The following ANKRD10 variants were observed in gnomAD, a reference collection of about 807,000 sequenced individuals.
ANKRD10 encodes the protein ankyrin repeat domain-containing protein 10.
A neutral mutation model predicts 27.0 loss-of-function variants in ANKRD10; 14 were observed. That is an observed-to-expected ratio of 0.52 (90% confidence interval 0.34 to 0.81). ANKRD10 has a LOEUF of 0.81. ANKRD10 is among the 40% of genes least tolerant of loss of function. The probability of loss-of-function intolerance (pLI) is 0.01; values close to 1 mark genes in which losing one functional copy is unlikely to be tolerated. For missense variants in ANKRD10, 493 were observed against 544.0 expected (o/e 0.91, Z 0.93); for synonymous variants, 250 against 224.5 (o/e 1.11, Z -1.01).
chr13:110,891,577 A>C (rs989178797), intron 4 of ANKRD10, among the ~76,000 whole-genome samples: 3 of 152,230 alleles, frequency 2.0e-5, no homozygotes, highest in African/African-American at 7.2e-5. Context: ...TATCAACTTT[A>C]TAGGGAAAAA....
chr13:110,912,414 TTA>T (rs1223801453), intron 1 of ANKRD10, among the ~76,000 whole-genome samples: 3 of 152,238 alleles, frequency 2.0e-5, no homozygotes, highest in Admixed American at 2.0e-4. Context: ...TGATGTCTAT[TTA>T]TTGCCTTTAT....
chr13:110,894,340 G>A (rs898929185), intron 3 of ANKRD10: 21 of 328,402 alleles, frequency 6.4e-5, no homozygotes, highest in Non-Finnish European at 9.5e-5. Flanking sequence ...TCAAGGCCTT[G>A]TGCTGTGTCA....
chr13:110,880,420 A>G (rs2064792401), intron 5 of ANKRD10, among the ~76,000 whole-genome samples: 1 of 152,220 alleles, frequency 6.6e-6, no homozygotes, highest in Admixed American at 6.5e-5. Context: ...AAAGCCATCA[A>G]TAAAGTGCTC....
At chr13:110,908,911 G>A (rs1373238643) in intron 2 of ANKRD10, among the ~76,000 whole-genome samples, 2 of 152,164 alleles carry the variant, frequency 1.3e-5, no homozygotes, top group African/African-American at 2.4e-5. Flanking sequence ...ATGTCTACCC[G>A]GATACTTCAA....
At chr13:110,912,506 A>G (rs2065746653) in intron 1 of ANKRD10, among the ~76,000 whole-genome samples, 1 of 152,252 alleles carries the variant, frequency 6.6e-6, no homozygotes, top group Non-Finnish European at 1.5e-5. Context: ...AAAACGGATG[A>G]AAATCACTTG....
chr13:110,902,163 T>C (rs943295322), intron 3 of ANKRD10, among the ~76,000 whole-genome samples: 1 of 151,900 alleles, frequency 6.6e-6, no homozygotes, highest in African/African-American at 2.4e-5. Context: ...TGGTAGATTT[T>C]GTAACTGAAA....
chr13:110,905,545 T>C (rs991030691), intron 3 of ANKRD10, among the ~76,000 whole-genome samples: 2 of 152,246 alleles, frequency 1.3e-5, no homozygotes, highest in Non-Finnish European at 2.9e-5. Flanking sequence ...CAATGGGCTT[T>C]AAAACATAAC....
At chr13:110,893,971 C>G in intron 3 of ANKRD10, 1 of 609,864 alleles carries the variant, frequency 1.6e-6, no homozygotes, top group Non-Finnish European at 2.8e-6. Flanking sequence ...TCACAAGAAC[C>G]AAAGTTTTAC....
chr13:110,892,667 G>C (rs1486766270), intron 4 of ANKRD10: 1 of 816,464 alleles, frequency 1.2e-6, no homozygotes, highest in Admixed American at 1.5e-4. Context: ...ACATTTACAA[G>C]AAGCAAATTA....
In ANKRD10 at chr13:110,883,725, C is replaced by T. The variant is rs748321257; in HGVS notation, c.760G>A (p.Val254Ile). The T allele has an allele frequency of 2.5e-5, 41 of 1,614,064 alleles. No individual in the cohort carries two copies. The highest frequency in any genetic ancestry group is 4.0e-5 in the African/African-American group (3 of 74,926). ...DTEDDADKMH[V>I]DREFAVVTDM... ...GTTACAACAGCAAACTCCCTATCAA[C>T]GTGCATTTTGTCAGCATCGTCTTCT... The change falls in exon 5 of 6, where the codon GTT becomes ATT. Residue 254 changes from valine to isoleucine, a missense_variant. Coordinates refer to ENST00000267339, the MANE Select transcript of ANKRD10 (RefSeq NM_017664.4).
chr13:110,904,729 A>G (rs987116014), intron 3 of ANKRD10, among the ~76,000 whole-genome samples: 2 of 152,238 alleles, frequency 1.3e-5, no homozygotes, highest in Admixed American at 6.5e-5. Flanking sequence ...CATACTATCA[A>G]TTGTTTCTAC....
chr13:110,900,148 A>G (rs1178427879), intron 3 of ANKRD10, among the ~76,000 whole-genome samples: 1 of 152,150 alleles, frequency 6.6e-6, no homozygotes, highest in Non-Finnish European at 1.5e-5. Flanking sequence ...ATTAGGCTCC[A>G]CTCTGAAGCC....
chr13:110,892,198 G>A (rs1410433359), intron 4 of ANKRD10, among the ~76,000 whole-genome samples: 4 of 149,812 alleles, frequency 2.7e-5, no homozygotes, highest in Admixed American at 6.6e-5. Context: ...TTGGGAGGCC[G>A]AGGCAGGTGG....
Position 110,893,175 on chromosome 13 carries a change from T to C in ANKRD10, c.544A>G (p.Asn182Asp). Residue 182 changes from asparagine (N) to aspartate (D), a missense_variant, in exon 4 of 6, where the codon AAT becomes GAT. By Grantham distance (23) the Asn-to-Asp change is conservative (BLOSUM62 1). Coordinates refer to ENST00000267339, the MANE Select transcript of ANKRD10 (RefSeq NM_017664.4). ...TTATAGAAATGGTTCAGATGACAATTCTGGAGGTTCAAGAGAAACTGGGCA... is the reference window on the plus strand; with the variant it reads ...TTATAGAAATGGTTCAGATGACAATCCTGGAGGTTCAAGAGAAACTGGGCA... ...ECAQFLLNLQ[N>D]CHLNHFYNNG... 1 of 1,614,130 alleles carries C rather than the reference T, an allele frequency of 6.2e-7. No homozygotes were observed. The highest frequency in any genetic ancestry group is 8.5e-7 in the Non-Finnish European group (1 of 1,180,008).
intron 5 of ANKRD10, among the ~76,000 whole-genome samples, chr13:110,880,800 A>C (rs542711891): frequency 3.3e-5 from 5 of 152,134 alleles, no homozygotes; most frequent in African/African-American, 7.2e-5. Context: ...ATACAGAGAG[A>C]CCGGCGACCA....
chr13:110,886,885 T>G (rs1215860037), intron 4 of ANKRD10, among the ~76,000 whole-genome samples: 1 of 152,226 alleles, frequency 6.6e-6, no homozygotes, highest in Non-Finnish European at 1.5e-5. Context: ...GTATGACCAC[T>G]TTTTTCAAAG....
At chr13:110,910,557 A>C (rs775299558) in intron 2 of ANKRD10, 61 bp downstream of exon 2, 48 of 1,594,040 alleles carry the variant, frequency 3.0e-5, no homozygotes, top group Non-Finnish European at 3.9e-5. Context: ...AATACCGTGT[A>C]TAATTATAAC....
intron 2 of ANKRD10, among the ~76,000 whole-genome samples, chr13:110,909,507 A>G (rs938186677): frequency 3.3e-5 from 5 of 152,214 alleles, no homozygotes; most frequent in Non-Finnish European, 1.5e-5. Context: ...ATGGAAGGAG[A>G]GAAGTGGCAG....
intron 3 of ANKRD10, among the ~76,000 whole-genome samples, chr13:110,896,652 C>T (rs188737115): frequency 6.6e-6 from 1 of 152,322 alleles, no homozygotes; most frequent in Non-Finnish European, 1.5e-5. Context: ...TTATTTTAGA[C>T]TTTGGAGACC....
Sources: gnomAD v4.1 joint callset for allele counts (sites outside exome capture counted in the v4.1 genomes callset) on GRCh38, gnomAD v4.1.1 for gene constraint, MANE v1.5 for transcripts, NCBI Gene and HGNC (gene_info 2026-07-23, HGNC 2026-07-21) for gene names.